The following SLC39A12 variants were observed in gnomAD, a reference collection of about 807,000 sequenced individuals.
The protein encoded by SLC39A12 is solute carrier family 39 member 12.
In SLC39A12, 63 loss-of-function variants were observed where a neutral mutation model predicts 71.1. That is an observed-to-expected ratio of 0.89 (90% CI 0.72 to 1.09). The LOEUF is 1.09. Ranked by LOEUF, SLC39A12 falls within the 50% of genes least tolerant of loss-of-function variation. SLC39A12 has a pLI of 0.00. For synonymous variants in SLC39A12, 351 were observed against 301.3 expected (o/e 1.16, Z -1.71); for missense variants, 892 against 812.6 (o/e 1.10, Z -1.19).
chr10:17,967,154 A>G (rs1379370848), intron 4 of SLC39A12, among the ~76,000 whole-genome samples: 2 of 152,100 alleles, frequency 1.3e-5, no homozygotes, highest in Non-Finnish European at 2.9e-5. Context: ...GTTGAAAAAC[A>G]AAGGGGGTTG....
intron 12 of SLC39A12, among the ~76,000 whole-genome samples, chr10:18,024,531 A>G (rs1180849691): frequency 6.6e-6 from 1 of 151,858 alleles, no homozygotes; most frequent in African/African-American, 2.4e-5. Flanking sequence ...TCCACTCTCC[A>G]TGGGTCTCAT....
At chr10:17,967,396 T>C (rs55910920) in intron 4 of SLC39A12, among the ~76,000 whole-genome samples, 13,061 of 152,234 alleles carry the variant, frequency 0.086, 576 homozygotes, top group Middle Eastern at 0.1. Flanking sequence ...GCTTATAAAA[T>C]GGTGATCTTC....
At chr10:17,955,932 C>T (rs79769848) in intron 2 of SLC39A12, among the ~76,000 whole-genome samples, 1 of 152,092 alleles carries the variant, frequency 6.6e-6, no homozygotes, top group Non-Finnish European at 1.5e-5. Flanking sequence ...AGAACCATAA[C>T]CCTACACATG....
At chr10:18,038,851 TG>T (rs1303383808) in intron 12 of SLC39A12, among the ~76,000 whole-genome samples, 1 of 152,150 alleles carries the variant, frequency 6.6e-6, no homozygotes, top group Non-Finnish European at 1.5e-5. Context: ...AGACCCTTCC[TG>T]GAAGTGTGAG....
At position 17,959,608 on chromosome 10, in the gene SLC39A12, T is replaced by G. The variant is rs372034914; in HGVS notation, c.262-1973T>G. Among the ~76,000 whole-genome samples the G allele has an allele frequency of 6.6e-5, 10 of 152,292 alleles. No homozygotes were observed. The East Asian group carries it at 1.4e-3, about 21-fold the overall frequency. On this transcript the variant is annotated intron_variant, in intron 2 of 12. Coordinates refer to ENST00000377369, the MANE Select transcript of SLC39A12 (RefSeq NM_001145195.2). ...GTCTGGGAGTCACGACAGGCGTTTC[T>G]CAATGCTTTCACTCTGTGGCTATGT...
At position 18,042,686 on chromosome 10, in the gene SLC39A12, T is replaced by G. The variant is rs769899785; in HGVS notation, c.1948-19T>G. On this transcript the variant is annotated intron_variant, in intron 12 of 12. Transcript: ENST00000377369. ...TGAATATATCTGGATCTTATTCTGG[T>G]TTTTTATTCTTTTTTTAGCTTCCTG... 1 of 1,597,530 alleles carries G rather than the reference T, an allele frequency of 6.3e-7. No homozygotes were observed. Among genetic ancestry groups the G allele is most frequent in the South Asian group, 1.1e-5 (1 of 87,354 alleles).
chr10:18,023,960 T>G (rs1434909366), intron 12 of SLC39A12, among the ~76,000 whole-genome samples: 1 of 152,144 alleles, frequency 6.6e-6, no homozygotes, highest in Non-Finnish European at 1.5e-5. Context: ...GCTGGAGGCC[T>G]GCAAGTCTTA....
intron 12 of SLC39A12, among the ~76,000 whole-genome samples, chr10:18,036,424 G>C (rs1024545613): frequency 2.8e-4 from 42 of 152,002 alleles, no homozygotes; most frequent in Non-Finnish European, 2.9e-4. Flanking sequence ...AGGTGCGTCC[G>C]TCACCCCTTT....
rs1407183255 is a variant in SLC39A12 at position 18,036,786 on chromosome 10, A to ATTT, written c.1948-5918_1948-5917insTTT. 2.0e-3 allele frequency among the ~76,000 whole-genome samples: 19 copies of ATTT among 9,444 alleles called. 1 individual carries two copies. Among genetic ancestry groups the ATTT allele is most frequent in the African/African-American group, 3.9e-3 (11 of 2,796 alleles). The allele number at this position is 9,444 out of a possible 152,430, so 6.2% of individuals were successfully genotyped here. ...TATATATATATATATATATATATAT[A>ATTT]TATATATATTTTTTTTTTTAATGGA... On this transcript the variant is annotated intron_variant, in intron 12 of 12. Coordinates refer to ENST00000377369, the MANE Select transcript of SLC39A12 (RefSeq NM_001145195.2).
At chr10:17,963,673 G>A (rs1208175341) in intron 3 of SLC39A12, among the ~76,000 whole-genome samples, 1 of 152,096 alleles carries the variant, frequency 6.6e-6, no homozygotes, top group East Asian at 1.9e-4. Context: ...GACTTTGCAG[G>A]AGGCTTTTGG....
intron 6 of SLC39A12, among the ~76,000 whole-genome samples, chr10:17,986,882 G>A (rs865816492): frequency 7.2e-5 from 11 of 152,070 alleles, no homozygotes; most frequent in Non-Finnish European, 1.3e-4. Flanking sequence ...GCACCTGCCC[G>A]TAGTCCCAGC....
chr10:18,025,311 C>T (rs1836646499), intron 12 of SLC39A12, among the ~76,000 whole-genome samples: 1 of 151,942 alleles, frequency 6.6e-6, no homozygotes, highest in Non-Finnish European at 1.5e-5. Flanking sequence ...TACACATGTG[C>T]CATGTTGGTG....
chr10:18,008,224 T>C (rs1426601249), intron 12 of SLC39A12, among the ~76,000 whole-genome samples: 4 of 152,180 alleles, frequency 2.6e-5, no homozygotes, highest in African/African-American at 9.7e-5. Context: ...CCGCTCTGCA[T>C]TGCTCACCTG....
intron 3 of SLC39A12, among the ~76,000 whole-genome samples, chr10:17,963,842 A>C (rs1554848680): frequency 6.6e-6 from 1 of 152,210 alleles, no homozygotes; most frequent in African/African-American, 2.4e-5. Flanking sequence ...AGTGGGCCTC[A>C]ACAAGATCCC....
intron 4 of SLC39A12, among the ~76,000 whole-genome samples, chr10:17,968,642 C>G (rs773133174): frequency 6.6e-6 from 1 of 151,740 alleles, no homozygotes; most frequent in Non-Finnish European, 1.5e-5. Context: ...ATCCTTTTTT[C>G]TTTTTCTTTT....
chr10:18,021,719 AGTCT>A (rs1836537780), intron 12 of SLC39A12, among the ~76,000 whole-genome samples: 1 of 152,086 alleles, frequency 6.6e-6, no homozygotes, highest in East Asian at 1.9e-4. Context: ...TAGAGTCAGT[AGTCT>A]ATGTACTTGA....
chr10:17,978,028 C>T lies in SLC39A12; in HGVS notation c.878C>T (p.Ser293Leu). The T allele has an allele frequency of 6.2e-7, 1 of 1,604,136 alleles. No individual in the cohort carries two copies. Among genetic ancestry groups the T allele is most frequent in the Non-Finnish European group, 8.5e-7 (1 of 1,176,446 alleles). The change falls in exon 5 of 13, where the codon TCA (serine) becomes TTA (leucine). Residue 293 changes from serine to leucine, a missense_variant. Transcript: ENST00000377369. ...THDQDYSNFSSSMEKESEDGP... is the reference protein window; with the variant it reads ...THDQDYSNFSLSMEKESEDGP... ...GATCAGGACTATTCTAATTTCTCTT[C>T]ATCCATGGAAAAAGAGTCTGAGGAT...
At chr10:18,037,338 T>G (rs1306505709) in intron 12 of SLC39A12, among the ~76,000 whole-genome samples, 8 of 152,192 alleles carry the variant, frequency 5.3e-5, no homozygotes, top group Non-Finnish European at 1.2e-4. Flanking sequence ...TATTTTCCAT[T>G]TTTTTCTAAT....
chr10:17,968,974 A>G (rs1313666043), intron 4 of SLC39A12, among the ~76,000 whole-genome samples: 1 of 152,060 alleles, frequency 6.6e-6, no homozygotes, highest in Non-Finnish European at 1.5e-5. Context: ...CCATCCTTCT[A>G]TTCTCTATGT....
Sources: gnomAD v4.1 joint callset for allele counts (sites outside exome capture counted in the v4.1 genomes callset) on GRCh38, gnomAD v4.1.1 for gene constraint, MANE v1.5 for transcripts, NCBI Gene and HGNC (gene_info 2026-07-23, HGNC 2026-07-21) for gene names.